The following STK3 variants were observed in gnomAD, a reference collection of about 807,000 sequenced individuals.
STK3 encodes serine/threonine-protein kinase 3.
In STK3, 41 loss-of-function variants were observed where a neutral mutation model predicts 58.0. That is an observed-to-expected ratio of 0.71 (90% CI 0.55 to 0.92). The LOEUF is 0.92. Among genes scored for constraint, STK3 ranks in the 40% least tolerant of loss-of-function variants. The pLI, the probability that STK3 is intolerant of heterozygous loss-of-function variation, is 0.00. For synonymous variants in STK3, 170 were observed against 191.0 expected, an observed-to-expected ratio of 0.89 and a Z score of 0.91; for missense variants, 479 against 602.7, an observed-to-expected ratio of 0.79 and a Z score of 2.15.
intron 10 of STK3, among the ~76,000 whole-genome samples, chr8:98,476,453 C>T (rs1028651013): frequency 1.1e-4 from 17 of 152,114 alleles, no homozygotes; most frequent in Non-Finnish European, 2.2e-4. Context: ...CAGTCTTAGA[C>T]GGCTATGGGT....
chr8:98,653,783 G>T (rs937385456), intron 6 of STK3, among the ~76,000 whole-genome samples: 19 of 152,140 alleles, frequency 1.2e-4, no homozygotes, highest in Non-Finnish European at 2.5e-4. Flanking sequence ...ACTAAACCAG[G>T]AAGAAGTTGA....
intron 6 of STK3, chr8:98,598,563 A>C (rs964238408): frequency 1.0e-6 from 1 of 985,350 alleles, no homozygotes; most frequent in Middle Eastern, 5.2e-4. Context: ...AATTTAACCT[A>C]ATAATGAACC....
At chr8:98,662,962 G>A (rs1338358632) in intron 6 of STK3, among the ~76,000 whole-genome samples, 1 of 152,038 alleles carries the variant, frequency 6.6e-6, no homozygotes, top group Non-Finnish European at 1.5e-5. Flanking sequence ...TCAGGACATA[G>A]GCATGGGCAA....
At chr8:98,573,846 C>A (rs1045327203) in intron 8 of STK3, among the ~76,000 whole-genome samples, 6 of 152,110 alleles carry the variant, frequency 3.9e-5, no homozygotes, top group African/African-American at 1.4e-4. Context: ...CACAGTTTCA[C>A]ATGAAGCCTG....
chr8:98,518,895 C>T (rs1825148772), intron 10 of STK3, among the ~76,000 whole-genome samples: 6 of 152,136 alleles, frequency 3.9e-5, no homozygotes, highest in Admixed American at 3.3e-4. Flanking sequence ...GTTCATGCCA[C>T]ATGTACACCT....
intron 3 of STK3, among the ~76,000 whole-genome samples, chr8:98,864,147 T>G (rs931869073): frequency 2.3e-5 from 3 of 130,412 alleles, no homozygotes; most frequent in Admixed American, 9.9e-5. Context: ...GCAGTGAGCC[T>G]AGATTGCACC....
intron 10 of STK3, among the ~76,000 whole-genome samples, chr8:98,501,964 C>T (rs964204404): frequency 1.3e-5 from 2 of 152,038 alleles, no homozygotes; most frequent in African/African-American, 2.4e-5. Flanking sequence ...AGCTTGACGG[C>T]GATGGCATTG....
chr8:98,907,461 C>A (rs1055866082), intron 1 of STK3, among the ~76,000 whole-genome samples: 4 of 151,966 alleles, frequency 2.6e-5, no homozygotes, highest in Non-Finnish European at 5.9e-5. Context: ...TACAGTGAGC[C>A]GAGATTGTGC....
chr8:98,434,328 G>A (rs1818409463), intron 2 of STK3: 1 of 152,228 alleles, frequency 6.6e-6, no homozygotes. Flanking sequence ...CCTGCAGCAA[G>A]GGTATAAATG....
chr8:98,672,104 T>TTACTACAAGATGAATGAACCTTGAATA (rs1822874224), intron 6 of STK3, among the ~76,000 whole-genome samples: 2 of 152,154 alleles, frequency 1.3e-5, no homozygotes, highest in Non-Finnish European at 2.9e-5. Flanking sequence ...GGGTATTTCT[T>TTACTACAAGATGAATGAACCTTGAATA]CATAGCACCA....
rs1372678054 is a variant in STK3, at chr8:98,428,624, T to C, written n.483+5503A>G. 1 of 1,614,204 alleles carries C rather than the reference T, an allele frequency of 6.2e-7. No homozygotes were observed. The highest frequency in any genetic ancestry group is 8.5e-7 in the Non-Finnish European group (1 of 1,180,028). On this transcript the variant is annotated intron_variant and non_coding_transcript_variant, in intron 3 of 3. Coordinates refer to the STK3 transcript ENST00000517832. The surrounding 1 kb of genome is among the most constrained non-coding windows in gnomAD (Gnocchi z 6.7). Reference sequence around the variant, plus strand: ...ATAGCCTGCCCGATTTCCAAATCCCTGACAGCCAGGGCAACCCTGGCGAGG... The same window carrying C: ...ATAGCCTGCCCGATTTCCAAATCCCCGACAGCCAGGGCAACCCTGGCGAGG...
chr8:98,733,877 T>C (rs1266136392), intron 4 of STK3, among the ~76,000 whole-genome samples: 1 of 152,156 alleles, frequency 6.6e-6, no homozygotes, highest in African/African-American at 2.4e-5. Flanking sequence ...TCATCCACTC[T>C]CACACTGCTA....
At position 98,637,218 on chromosome 8, in the gene STK3, C is replaced by G. The variant is rs887172998; in HGVS notation, c.685-41049G>C. Among the ~76,000 whole-genome samples the G allele has an allele frequency of 7.2e-4, 109 of 152,186 alleles. 1 individual carries two copies. Among genetic ancestry groups the G allele is most frequent in the African/African-American group, 2.6e-3 (108 of 41,548 alleles). ...AGTATGAACCAGGCCTGGATTCCCA[C>G]ATCTTCAGTTTCTATTTATCAAACA... On this transcript the variant is annotated intron_variant, in intron 6 of 10. Coordinates refer to ENST00000419617, the MANE Select transcript of STK3 (RefSeq NM_006281.4).
At chr8:98,427,340 C>G (rs1455199677) in intron 3 of STK3, 1 of 151,466 alleles carries the variant, frequency 6.6e-6, no homozygotes, top group Non-Finnish European at 1.5e-5. Flanking sequence ...GTAAGCGCTT[C>G]CAGAACGCGC....
intron 10 of STK3, among the ~76,000 whole-genome samples, chr8:98,486,890 T>C (rs548279423): frequency 6.6e-6 from 1 of 152,198 alleles, no homozygotes; most frequent in Non-Finnish European, 1.5e-5. Flanking sequence ...ATGCCCTGTC[T>C]GAACAAGTTT....
intron 1 of STK3, among the ~76,000 whole-genome samples, chr8:98,884,689 C>A (rs1837914488): frequency 6.6e-6 from 1 of 152,084 alleles, no homozygotes; most frequent in Admixed American, 6.5e-5. Flanking sequence ...TTAATAACAC[C>A]TCTCCTGTAT....
intron 3 of STK3, among the ~76,000 whole-genome samples, chr8:98,425,388 T>C (rs1818219152): frequency 6.6e-6 from 1 of 152,012 alleles, no homozygotes; most frequent in East Asian, 1.9e-4. Flanking sequence ...CTTGTGTGTG[T>C]TTGAGGGTAG....
At chr8:98,866,530 G>T (rs569984809) in intron 3 of STK3, among the ~76,000 whole-genome samples, 5 of 152,188 alleles carry the variant, frequency 3.3e-5, no homozygotes, top group Admixed American at 1.3e-4. Flanking sequence ...GGGGTGGTGA[G>T]GCATTGCAGT....
intron 1 of STK3, among the ~76,000 whole-genome samples, chr8:98,788,056 G>T (rs1301381959): frequency 6.6e-6 from 1 of 151,944 alleles, no homozygotes. Flanking sequence ...GAAAACCAAG[G>T]TATACAGGCA....
Sources: gnomAD v4.1 joint callset for allele counts (sites outside exome capture counted in the v4.1 genomes callset) on GRCh38, gnomAD v4.1.1 for gene constraint, Gnocchi (gnomAD v3.1) non-coding constraint, MANE v1.5 for transcripts, NCBI Gene and HGNC (gene_info 2026-07-23, HGNC 2026-07-21) for gene names.